Variants in JAK2 observed in about 807,000 individuals in gnomAD.
The protein encoded by JAK2 is tyrosine-protein kinase JAK2.
A neutral mutation model predicts 139.3 loss-of-function variants in JAK2; 86 were observed. The ratio of observed to expected loss-of-function variants is 0.62; its 90% CI spans 0.52 to 0.74. The LOEUF is 0.74. JAK2 is among the 30% of genes least tolerant of loss of function. The pLI, the probability that JAK2 is intolerant of heterozygous loss-of-function variation, is 0.00. For missense variants in JAK2, 1,421 were observed against 1,360.3 expected (o/e 1.04, Z -0.70); for synonymous variants, 490 against 437.7 (o/e 1.12, Z -1.49).
At chr9:5,044,597 A>G in intron 5 of JAK2, 77 bp downstream of exon 5, 2 of 888,982 alleles carry the variant, frequency 2.2e-6, no homozygotes, top group East Asian at 2.5e-5. Flanking sequence ...TTAATCAGGA[A>G]AAACTTTACA....
chr9:5,113,053 G>A lies in JAK2; in HGVS notation c.3060-9951G>A, dbSNP rs1477941124. ...GGTGAGGAAGGTGACGCTGGGTCCA[G>A]GAGCTCCCTGGGACCCCGGCTCACC... On this transcript the variant is annotated intron_variant, in intron 22 of 24. Coordinates refer to ENST00000381652, the MANE Select transcript of JAK2 (RefSeq NM_004972.4). Among the ~76,000 whole-genome samples, 3 of 152,220 alleles carry A rather than the reference G, an allele frequency of 2.0e-5. No homozygotes were observed. In the East Asian group the frequency reaches 5.8e-4, roughly 29 times the overall value.
chr9:5,029,801 A>G lies in JAK2; in HGVS notation c.245A>G (p.His82Arg). The G allele has an allele frequency of 1.2e-6, 2 of 1,611,384 alleles. No individual in the cohort carries two copies. The highest frequency in any genetic ancestry group is 2.2e-5 in the East Asian group (1 of 44,756). The change falls in exon 4 of 25, where the codon CAT becomes CGT. Residue 82 changes from histidine to arginine, a missense_variant. His to Arg is a conservative substitution (Grantham distance 29). Coordinates refer to ENST00000381652, the MANE Select transcript of JAK2 (RefSeq NM_004972.4). ...TTTCTAGGTATCACACCTGTGTATC[A>G]TAATATGTTTGCTTTAATGAGTGAA... ...SKACGITPVYHNMFALMSETE... is the reference protein window; with the variant it reads ...SKACGITPVYRNMFALMSETE...
At chr9:5,012,828 G>C (rs1821787767) in intron 2 of JAK2, among the ~76,000 whole-genome samples, 1 of 152,100 alleles carries the variant, frequency 6.6e-6, no homozygotes, top group African/African-American at 2.4e-5. Flanking sequence ...ACAGATAATG[G>C]AATTTTAGTC....
At position 5,034,292 on chromosome 9, in the gene JAK2, G is replaced by A. The variant is rs1034853268; in HGVS notation, c.350+4386G>A. Among the ~76,000 whole-genome samples the A allele has an allele frequency of 1.4e-4, 22 of 151,956 alleles. 1 individual carries two copies. Among genetic ancestry groups the A allele is most frequent in the Admixed American group, 1.2e-3 (18 of 15,254 alleles). On this transcript the variant is annotated intron_variant, in intron 4 of 24. Transcript: ENST00000381652. ...CTTAGACTTCCACACAATAATAATG[G>A]GAGACTTTAACACCCCACTGTCAAC...
chr9:5,118,620 T>A (rs1020821028), intron 22 of JAK2, among the ~76,000 whole-genome samples: 8 of 152,218 alleles, frequency 5.3e-5, no homozygotes, highest in Non-Finnish European at 1.0e-4. Context: ...TGGGACAAGA[T>A]TAAGCATAAA....
chr9:5,044,639 C>A, intron 5 of JAK2, 119 bp downstream of exon 5: 1 of 579,642 alleles, frequency 1.7e-6, no homozygotes, highest in Non-Finnish European at 3.0e-6. Flanking sequence ...TCTTGCACAG[C>A]AGGTGCAGAG....
rs1029962228 is a variant in JAK2 at position 5,128,520 on chromosome 9, A to G, written c.*1729A>G. Among the ~76,000 whole-genome samples the G allele has an allele frequency of 6.6e-6, 1 of 151,884 alleles. No individual in the cohort carries two copies. The highest frequency in any genetic ancestry group is 2.4e-5 in the African/African-American group (1 of 41,450). ...CTTGATTTCAGATTTTCATACTAAAACTTAACTACATACTTAAAAGTAGGT... is the reference window on the plus strand; with the variant it reads ...CTTGATTTCAGATTTTCATACTAAAGCTTAACTACATACTTAAAAGTAGGT... On this transcript the variant is annotated 3_prime_UTR_variant, in exon 25 of 25. Transcript: ENST00000381652.
At chr9:5,025,692 C>G (rs1388867484) in intron 3 of JAK2, among the ~76,000 whole-genome samples, 1 of 152,036 alleles carries the variant, frequency 6.6e-6, no homozygotes, top group Non-Finnish European at 1.5e-5. Context: ...ACCACCACAC[C>G]CAGCTAATTT....
At chr9:5,089,274 C>T (rs1258099427) in intron 19 of JAK2, among the ~76,000 whole-genome samples, 1 of 152,122 alleles carries the variant, frequency 6.6e-6, no homozygotes, top group African/African-American at 2.4e-5. Context: ...CATGGTGGCT[C>T]ATGCCTGTAA....
At chr9:5,028,200 G>C (rs921161734) in intron 3 of JAK2, among the ~76,000 whole-genome samples, 3 of 152,208 alleles carry the variant, frequency 2.0e-5, no homozygotes, top group African/African-American at 7.2e-5. Context: ...TGGATGTTGT[G>C]TTAGCAGGCA....
intron 2 of JAK2, among the ~76,000 whole-genome samples, chr9:5,010,513 G>T (rs1275376345): frequency 2.0e-5 from 3 of 151,954 alleles, no homozygotes; most frequent in African/African-American, 7.2e-5. Context: ...TACAGACAGG[G>T]TTTCACCATG....
chr9:5,111,761 G>A lies in JAK2; in HGVS notation c.3060-11243G>A, dbSNP rs957274498. 3.3e-5 allele frequency: 14 copies of A among 422,248 alleles called. 1 individual carries two copies. The highest frequency in any genetic ancestry group is 5.1e-5 in the Non-Finnish European group (11 of 214,502). 26.2% of individuals were successfully genotyped at this position (422,248 alleles called of 1,614,324 possible). A position where few individuals can be genotyped will look rare whatever the true frequency, so the allele number is the denominator to read the frequency against. ...CCGGCTGCACGGAGGAGAAGTGAACGGTGGGCTTCCGGCTGCATCCACCTT... is the reference window on the plus strand; with the variant it reads ...CCGGCTGCACGGAGGAGAAGTGAACAGTGGGCTTCCGGCTGCATCCACCTT... On this transcript the variant is annotated intron_variant, in intron 22 of 24. Coordinates refer to ENST00000381652, the MANE Select transcript of JAK2 (RefSeq NM_004972.4).
chr9:5,046,422 TTATC>T (rs1817013909), intron 5 of JAK2, among the ~76,000 whole-genome samples: 1 of 152,218 alleles, frequency 6.6e-6, no homozygotes, highest in Non-Finnish European at 1.5e-5. Flanking sequence ...GTATTCTAAT[TTATC>T]TATTTTTTGT....
intron 22 of JAK2, chr9:5,112,567 C>T (rs1041236449): frequency 7.8e-6 from 5 of 642,556 alleles, no homozygotes; most frequent in Admixed American, 2.6e-5. Flanking sequence ...CGCCAGGGAG[C>T]GGCTGCGGGT....
rs757707030 is a variant in JAK2, at chr9:5,070,063, A to G, written c.1641+11A>G. ...GAAGATTTGATATTTGTAAGTCATT[A>G]GATACTCATTACTGTCTTTTTTGTC... On this transcript the variant is annotated intron_variant, in intron 12 of 24. Coordinates refer to ENST00000381652, the MANE Select transcript of JAK2 (RefSeq NM_004972.4). 6.3e-7 allele frequency: 1 copy of G among 1,586,108 alleles called. No homozygotes were observed. The highest frequency in any genetic ancestry group is 8.6e-7 in the Non-Finnish European group (1 of 1,161,938).
chr9:4,994,568 T>C (rs922140341), intron 2 of JAK2, among the ~76,000 whole-genome samples: 2 of 152,252 alleles, frequency 1.3e-5, no homozygotes, highest in Admixed American at 1.3e-4. Flanking sequence ...TATTTTAGAC[T>C]TTGTGGGCAA....
At chr9:5,019,448 C>G (rs1055928504) in intron 2 of JAK2, among the ~76,000 whole-genome samples, 5 of 151,804 alleles carry the variant, frequency 3.3e-5, no homozygotes, top group Non-Finnish European at 5.9e-5. Flanking sequence ...TTTCTGGTTT[C>G]TTTGTATTGT....
At position 5,095,293 on chromosome 9, in the gene JAK2, C is replaced by T. The variant is rs778140580; in HGVS notation, c.3059+4382C>T. 9.5e-4 allele frequency among the ~76,000 whole-genome samples: 144 copies of T among 151,926 alleles called. 1 individual carries two copies. Among genetic ancestry groups the T allele is most frequent in the Non-Finnish European group, 1.8e-3 (119 of 67,922 alleles). ...CACAGGAACCCTCATCACAATGCTA[C>T]GCTCACACTGATTTCTTATCTGAAC... On this transcript the variant is annotated intron_variant, in intron 22 of 24. Coordinates refer to ENST00000381652, the MANE Select transcript of JAK2 (RefSeq NM_004972.4).
intron 22 of JAK2, among the ~76,000 whole-genome samples, chr9:5,119,967 T>C (rs1044488330): frequency 2.6e-5 from 4 of 152,236 alleles, no homozygotes; most frequent in Admixed American, 2.0e-4. Flanking sequence ...AGCTAACTTA[T>C]TGAATAATAA....
Sources: gnomAD v4.1 joint callset for allele counts (sites outside exome capture counted in the v4.1 genomes callset) on GRCh38, gnomAD v4.1.1 for gene constraint, MANE v1.5 for transcripts, NCBI Gene and HGNC (gene_info 2026-07-23, HGNC 2026-07-21) for gene names.